Variants in MDN1 observed in about 807,000 individuals in gnomAD.
The protein encoded by MDN1 is midasin.
In MDN1, 266 loss-of-function variants were observed where a neutral mutation model predicts 669.2. The ratio of observed to expected loss-of-function variants is 0.40; its 90% CI spans 0.36 to 0.44. The LOEUF (loss-of-function observed/expected upper bound fraction) is 0.44, where lower values mean the gene tolerates loss of function less well. MDN1 is among the 20% of genes least tolerant of loss of function. MDN1 has a pLI of 1.00. For synonymous variants in MDN1, 2,385 were observed against 2,457.1 expected (o/e 0.97, Z 0.87); for missense variants, 5,940 against 6,754.0 (o/e 0.88, Z 4.22).
intron 1 of MDN1, among the ~76,000 whole-genome samples, chr6:89,807,307 G>C (rs1438462702): frequency 6.6e-6 from 1 of 152,044 alleles, no homozygotes; most frequent in Non-Finnish European, 1.5e-5. Context: ...GGCTGGTCTC[G>C]AACTCCTGGG....
chr6:89,713,437 T>C (rs1162323169), intron 46 of MDN1, 141 bp from the exon 47 acceptor site: 3 of 729,986 alleles, frequency 4.1e-6, no homozygotes, highest in East Asian at 2.7e-5. Context: ...CCAAGTAGAC[T>C]CTAGAGTCCT....
intron 50 of MDN1, among the ~76,000 whole-genome samples, chr6:89,709,383 A>T (rs955038480): frequency 6.6e-6 from 1 of 152,230 alleles, no homozygotes; most frequent in African/African-American, 2.4e-5. Flanking sequence ...CAGTAAGATA[A>T]AAGGGCTACA....
At chr6:89,734,111 C>T (rs1323520888) in intron 33 of MDN1, among the ~76,000 whole-genome samples, 1 of 151,890 alleles carries the variant, frequency 6.6e-6, no homozygotes, top group East Asian at 1.9e-4. Context: ...ATGGTGAAAC[C>T]CCGTCTCTAC....
intron 31 of MDN1, among the ~76,000 whole-genome samples, chr6:89,740,965 C>G (rs1158163308): frequency 6.6e-6 from 1 of 152,248 alleles, no homozygotes; most frequent in African/African-American, 2.4e-5. Flanking sequence ...GGCGCAGTGA[C>G]TCTCGCCTGT....
chr6:89,645,623 T>A lies in MDN1; in HGVS notation c.16460-466A>T, dbSNP rs188030427. Among the ~76,000 whole-genome samples, 184 of 152,340 alleles carry A rather than the reference T, an allele frequency of 1.2e-3. 2 individuals carry two copies. Among genetic ancestry groups the A allele is most frequent in the African/African-American group, 4.3e-3 (180 of 41,590 alleles). ...ATAATCATCTTTAGATTTCTGTTAA[T>A]TCCTTGTACCTAATTTCTATATTTT... On this transcript the variant is annotated intron_variant, in intron 100 of 101. Transcript: ENST00000369393.
chr6:89,749,104 T>G, intron 26 of MDN1, 119 bp downstream of exon 26: 1 of 952,254 alleles, frequency 1.1e-6, no homozygotes, highest in East Asian at 2.9e-5. Flanking sequence ...CAATAAAAAA[T>G]AAAAAAAAAT....
chr6:89,670,160 ATATATATATATTTTTT>A (rs1364873550), intron 83 of MDN1, among the ~76,000 whole-genome samples: 9 of 43,028 alleles, frequency 2.1e-4, no homozygotes, highest in South Asian at 8.0e-4. Context: ...ATATATATAT[ATATATATATATTTTTT>A]TTTTTTTTTT....
At chr6:89,669,840 CA>C (rs1192317950) in intron 83 of MDN1, among the ~76,000 whole-genome samples, 1 of 151,958 alleles carries the variant, frequency 6.6e-6, no homozygotes, top group Non-Finnish European at 1.5e-5. Context: ...GGAGGGTCTA[CA>C]ATCTCTACAA....
intron 48 of MDN1, 28 bp downstream of exon 48, chr6:89,712,547 A>G (rs779117391): frequency 6.2e-7 from 1 of 1,602,206 alleles, no homozygotes; most frequent in South Asian, 1.1e-5. Flanking sequence ...CCAAGAAACC[A>G]GAGACACAAG....
intron 2 of MDN1, among the ~76,000 whole-genome samples, chr6:89,802,491 T>C (rs1356261000): frequency 6.6e-6 from 1 of 152,230 alleles, no homozygotes; most frequent in Non-Finnish European, 1.5e-5. Flanking sequence ...GAGACCATCC[T>C]GGCCAACATG....
At chr6:89,711,218 A>T (rs1813893539) in intron 49 of MDN1, among the ~76,000 whole-genome samples, 1 of 152,206 alleles carries the variant, frequency 6.6e-6, no homozygotes, top group Non-Finnish European at 1.5e-5. Flanking sequence ...CAATGTTGTT[A>T]TTGTTGCTTT....
At chr6:89,697,875 C>T (rs1180679864) in intron 59 of MDN1, among the ~76,000 whole-genome samples, 2 of 152,030 alleles carry the variant, frequency 1.3e-5, no homozygotes, top group African/African-American at 2.4e-5. Flanking sequence ...AGCTACAGCG[C>T]CTGACCAACA....
chr6:89,745,370 C>G lies in MDN1; in HGVS notation c.4081G>C (p.Gly1361Arg), dbSNP rs1002608952. The change falls in exon 29 of 102, where the codon GGC becomes CGC. Residue 1361 changes from glycine (G) to arginine (R), a missense_variant. By Grantham distance (125) the Gly-to-Arg change is moderately radical. This residue lies in a region of MDN1 where 2,292 missense variants were observed against 2,638.3 expected (regional missense o/e 0.87). Transcript: ENST00000369393. ...ATGCCCTCAGTCCACACGATATGGC[C>G]AAAGTTACACTCCAATGTGGATATC... ...TQISTLECNFGHIVWTEGMRR... is the reference protein window; with the variant it reads ...TQISTLECNFRHIVWTEGMRR... 9 of 1,613,868 alleles carry G rather than the reference C, an allele frequency of 5.6e-6. No homozygotes were observed. The highest frequency in any genetic ancestry group is 2.7e-5 in the African/African-American group (2 of 74,866).
At chr6:89,775,447 T>A (rs1046544831) in intron 12 of MDN1, among the ~76,000 whole-genome samples, 5 of 152,162 alleles carry the variant, frequency 3.3e-5, no homozygotes, top group African/African-American at 9.7e-5. Context: ...CTACTGTAAT[T>A]CCTGCCATAA....
intron 100 of MDN1, 147 bp from the exon 101 acceptor site, chr6:89,645,304 C>G: frequency 2.5e-6 from 2 of 811,980 alleles, no homozygotes; most frequent in Non-Finnish European, 1.8e-6. Flanking sequence ...ATTCTGGGCA[C>G]AAACCTAAGG....
chr6:89,701,008 T>C (rs537088936), intron 55 of MDN1, 152 bp from the exon 56 acceptor site: 158 of 718,708 alleles, frequency 2.2e-4, no homozygotes, highest in Middle Eastern at 1.2e-3. Context: ...CAAGAGATTT[T>C]ACAGTGGTAA....
chr6:89,777,943 T>C (rs375339115), intron 11 of MDN1, among the ~76,000 whole-genome samples: 8 of 152,262 alleles, frequency 5.3e-5, no homozygotes, highest in Admixed American at 3.3e-4. Flanking sequence ...ATGGCTAGCC[T>C]AGTATTCATT....
In MDN1 at chr6:89,706,104, C is replaced by G. The variant is rs1388503348; in HGVS notation, c.8103G>C (p.Trp2701Cys). ...ACACCATTCCCTGGGAGGACTGTAC[C>G]CAGAGCAGGACTAGTGCATCACAAA... is the stretch of plus-strand genomic sequence containing the variant. ...FELCDALVLL[W>C]VQSSQGMVSD... The change falls in exon 53 of 102, where the codon TGG becomes TGC. Residue 2701 changes from tryptophan (W) to cysteine (C), a missense_variant. By Grantham distance (215) the Trp-to-Cys change is radical. This residue lies in a region of MDN1 where 2,292 missense variants were observed against 2,638.3 expected (regional missense o/e 0.87). Transcript: ENST00000369393. 1 of 1,612,214 alleles carries G rather than the reference C, an allele frequency of 6.2e-7. No homozygotes were observed. Among genetic ancestry groups the G allele is most frequent in the Non-Finnish European group, 8.5e-7 (1 of 1,178,756 alleles).
intron 27 of MDN1, among the ~76,000 whole-genome samples, chr6:89,746,607 A>AG (rs1562172842): frequency 4.1e-5 from 3 of 72,290 alleles, no homozygotes; most frequent in African/African-American, 1.8e-4. Context: ...AAAAAAAAAA[A>AG]AAAAAAAGAA....
Sources: gnomAD v4.1 joint callset for allele counts (sites outside exome capture counted in the v4.1 genomes callset) on GRCh38, gnomAD v4.1.1 for gene constraint, gnomAD v4.1.1 regional missense constraint, MANE v1.5 for transcripts, NCBI Gene and HGNC (gene_info 2026-07-23, HGNC 2026-07-21) for gene names.